Variants in FBH1 observed in about 807,000 individuals in gnomAD.
The protein encoded by FBH1 is F-box DNA helicase 1, also known as DNA 3'-5' helicase 1.
In FBH1, 43 loss-of-function variants were observed where a neutral mutation model predicts 115.5. The observed-to-expected ratio is 0.37, with a 90% CI of 0.29 to 0.48. FBH1 has a LOEUF of 0.48. Ranked by LOEUF, FBH1 falls within the 20% of genes least tolerant of loss-of-function variation. The pLI is 0.99. For missense variants in FBH1, 1,001 were observed against 1,337.3 expected (o/e 0.75, Z 3.92); for synonymous variants, 524 against 507.8 (o/e 1.03, Z -0.43).
intron 1 of FBH1, among the ~76,000 whole-genome samples, chr10:5,893,734 C>T (rs1416395814): frequency 2.6e-5 from 4 of 152,152 alleles, no homozygotes; most frequent in African/African-American, 9.7e-5. Context: ...GTTTTGGTAG[C>T]TGCCTTATGG....
intron 9 of FBH1, 113 bp from the exon 10 acceptor site, chr10:5,916,121 C>A: frequency 1.1e-6 from 1 of 900,948 alleles, no homozygotes; most frequent in Non-Finnish European, 1.7e-6. Context: ...TAACACTCGC[C>A]TGTGTGTGGC....
chr10:5,912,015 A>C (rs1831622169), intron 6 of FBH1, among the ~76,000 whole-genome samples: 1 of 152,098 alleles, frequency 6.6e-6, no homozygotes, highest in South Asian at 2.1e-4. Flanking sequence ...AGGGAACACA[A>C]GATTGTGAAG....
chr10:5,913,855 C>G lies in FBH1; in HGVS notation c.1304+16C>G, dbSNP rs143392776. On this transcript the variant is annotated intron_variant, in intron 7 of 20. Transcript: ENST00000362091. This position sits in a 1 kb window ranked among gnomAD's most constrained non-coding sequence, Gnocchi z 4.4. ...TCTGGCCAGGGTATGTGTATATGTGCGTCAGCGTGTGTTTTGTCTTCTGTC... is the reference window on the plus strand; with the variant it reads ...TCTGGCCAGGGTATGTGTATATGTGGGTCAGCGTGTGTTTTGTCTTCTGTC... The G allele has an allele frequency of 1.9e-6, 3 of 1,566,848 alleles. No individual in the cohort carries two copies. The South Asian group carries it at 3.5e-5, about 18-fold the overall frequency.
chr10:5,932,128 C>T lies in FBH1; in HGVS notation c.2830-4328C>T, dbSNP rs1245442215. ...TGCCACTGCACTCCAGCCTGGGTGA[C>T]AGAGTGAGACCCTGTCTCAAAAGAA... On this transcript the variant is annotated intron_variant, in intron 19 of 20. Coordinates refer to ENST00000362091, the MANE Select transcript of FBH1 (RefSeq NM_178150.3). This position sits in a 1 kb window ranked among gnomAD's most constrained non-coding sequence, Gnocchi z 5.9. 6.6e-6 allele frequency among the ~76,000 whole-genome samples: 1 copy of T among 152,174 alleles called. No homozygotes were observed. The highest frequency in any genetic ancestry group is 2.4e-5 in the African/African-American group (1 of 41,446).
In FBH1 at chr10:5,921,653, G is replaced by T. The variant is rs1832322723; in HGVS notation, c.2322+84G>T. ...CAATGGAAATGTTCACCTTCCTTGG[G>T]ATTATCATGCAAGAAAGCATTTGGG... On this transcript the variant is annotated intron_variant, in intron 15 of 20. Coordinates refer to ENST00000362091, the MANE Select transcript of FBH1 (RefSeq NM_178150.3). This position sits in a 1 kb window ranked among gnomAD's most constrained non-coding sequence, Gnocchi z 6.4. 6.5e-7 allele frequency: 1 copy of T among 1,543,970 alleles called. No homozygotes were observed. Among genetic ancestry groups the T allele is most frequent in the African/African-American group, 1.4e-5 (1 of 71,030 alleles).
chr10:5,917,789 G>A lies in FBH1; in HGVS notation c.1963+113G>A, dbSNP rs1832063028. ...GATTATTATTATTTGTGATAAAGAAGAGGATCTTCATACTTACCTTAGGAT... is the reference window on the plus strand; with the variant it reads ...GATTATTATTATTTGTGATAAAGAAAAGGATCTTCATACTTACCTTAGGAT... On this transcript the variant is annotated intron_variant, in intron 12 of 20. Coordinates refer to ENST00000362091, the MANE Select transcript of FBH1 (RefSeq NM_178150.3). The surrounding 1 kb of genome is among the most constrained non-coding windows in gnomAD (Gnocchi z 5.6). 3 of 872,338 alleles carry A rather than the reference G, an allele frequency of 3.4e-6. No homozygotes were observed. Among genetic ancestry groups the A allele is most frequent in the Non-Finnish European group, 5.4e-6 (3 of 552,742 alleles). The allele number at this position is 872,338 out of a possible 1,614,324, so 54.0% of individuals were successfully genotyped here.
chr10:5,907,256 T>C (rs149362418), intron 3 of FBH1, among the ~76,000 whole-genome samples: 3 of 152,262 alleles, frequency 2.0e-5, no homozygotes, highest in South Asian at 2.1e-4. Flanking sequence ...TGAGCCACCA[T>C]GTCTGGCCCA....
rs1564448990 is a variant in FBH1 at position 5,915,050 on chromosome 10, C to T, written c.1397-353C>T. ...GTCTCTCTCCAGAGACATGCCTTCC[C>T]CCTCCCTAACCCTACCCTCCTATCC... On this transcript the variant is annotated intron_variant, in intron 8 of 20. Transcript: ENST00000362091. This position sits in a 1 kb window ranked among gnomAD's most constrained non-coding sequence, Gnocchi z 5.2. Among the ~76,000 whole-genome samples the T allele has an allele frequency of 6.6e-6, 1 of 152,098 alleles. No homozygotes were observed. Among genetic ancestry groups the T allele is most frequent in the Non-Finnish European group, 1.5e-5 (1 of 68,016 alleles).
rs1192489199 is a variant in FBH1 at position 5,931,578 on chromosome 10, A to G, written c.2829+4037A>G. Among the ~76,000 whole-genome samples, 1 of 152,252 alleles carries G rather than the reference A, an allele frequency of 6.6e-6. No individual in the cohort carries two copies. Among genetic ancestry groups the G allele is most frequent in the Non-Finnish European group, 1.5e-5 (1 of 68,048 alleles). ...TTGATACTATTCTATGTATTTAAAA[A>G]TAATATTCAAAATAATGCCAGTATT... On this transcript the variant is annotated intron_variant, in intron 19 of 20. Coordinates refer to ENST00000362091, the MANE Select transcript of FBH1 (RefSeq NM_178150.3). The surrounding 1 kb of genome is among the most constrained non-coding windows in gnomAD (Gnocchi z 4.3).
Position 5,909,334 on chromosome 10 carries a change from C to T in FBH1, c.1020+40C>T. On this transcript the variant is annotated intron_variant, in intron 5 of 20. Coordinates refer to ENST00000362091, the MANE Select transcript of FBH1 (RefSeq NM_178150.3). The surrounding 1 kb of genome is among the most constrained non-coding windows in gnomAD (Gnocchi z 4.4). ...TGCGGGAGAAGGCGGCATGTTATTT[C>T]ACTGGAGGAAAGTGTACTGGTGATT... is the stretch of plus-strand genomic sequence containing the variant. 1 of 1,588,646 alleles carries T rather than the reference C, an allele frequency of 6.3e-7. No homozygotes were observed. Among genetic ancestry groups the T allele is most frequent in the Non-Finnish European group, 8.5e-7 (1 of 1,172,726 alleles).
rs756991692 is a variant in FBH1 at position 5,924,515 on chromosome 10, G to C, written c.2596+7G>C. ...GAAGATTTGGACTTTGCAGGTAAGG[G>C]AAGCAGTTGGTTTTTACCTTCCCCC... On this transcript the variant is annotated splice_region_variant and intron_variant, in intron 17 of 20. Transcript: ENST00000362091. The surrounding 1 kb of genome is among the most constrained non-coding windows in gnomAD (Gnocchi z 6.2). 6 of 1,613,450 alleles carry C rather than the reference G, an allele frequency of 3.7e-6. No individual in the cohort carries two copies. The highest frequency in any genetic ancestry group is 4.2e-6 in the Non-Finnish European group (5 of 1,179,706).
chr10:5,902,165 T>A (rs1362567592), intron 1 of FBH1, among the ~76,000 whole-genome samples: 1 of 152,104 alleles, frequency 6.6e-6, no homozygotes, highest in East Asian at 1.9e-4. Context: ...GAGTCGCTCC[T>A]GTCCTTTCAA....
In FBH1 at chr10:5,895,397, T is replaced by C. The variant is rs1393519875; in HGVS notation, c.1+5051T>C. 2.0e-5 allele frequency among the ~76,000 whole-genome samples: 3 copies of C among 152,212 alleles called. No homozygotes were observed. The highest frequency in any genetic ancestry group is 4.4e-5 in the Non-Finnish European group (3 of 68,038). On this transcript the variant is annotated intron_variant, in intron 1 of 20. Transcript: ENST00000362091. This position sits in a 1 kb window ranked among gnomAD's most constrained non-coding sequence, Gnocchi z 5.0. The stretch of plus-strand genomic sequence containing the variant: ...AATATTTACTTCCAGGAATTCTAGG[T>C]ACTTATTGTCTTCATCTTGTCCATT...
rs117923785 is a variant in FBH1, at chr10:5,925,226, C to G, written c.2597-141C>G. ...GTTGTCTGTTCCCGACAGTTGTTTC[C>G]TCTTTCCCCCTTTTCCTACAAAACT... On this transcript the variant is annotated intron_variant, in intron 17 of 20. Transcript: ENST00000362091. This position sits in a 1 kb window ranked among gnomAD's most constrained non-coding sequence, Gnocchi z 4.6. 3.0e-6 allele frequency: 3 copies of G among 998,936 alleles called. No homozygotes were observed. The highest frequency in any genetic ancestry group is 4.4e-6 in the Non-Finnish European group (3 of 687,948). The allele number at this position is 998,936 out of a possible 1,614,324, so 61.9% of individuals were successfully genotyped here.
chr10:5,907,043 A>T (rs1279724444), intron 3 of FBH1, among the ~76,000 whole-genome samples: 1 of 150,254 alleles, frequency 6.7e-6, no homozygotes, highest in South Asian at 2.1e-4. Flanking sequence ...ACTCACTGCA[A>T]CCTCTGCCTC....
rs893757943 is a variant in FBH1, at chr10:5,931,348, A to T, written c.2829+3807A>T. ...AGTGCTGAAAAATGATACTGTTTAC[A>T]CATGTTCTCTTCATTCTCCTGGGTT... On this transcript the variant is annotated intron_variant, in intron 19 of 20. Coordinates refer to ENST00000362091, the MANE Select transcript of FBH1 (RefSeq NM_178150.3). This position sits in a 1 kb window ranked among gnomAD's most constrained non-coding sequence, Gnocchi z 4.3. Among the ~76,000 whole-genome samples the T allele has an allele frequency of 6.6e-6, 1 of 152,198 alleles. No individual in the cohort carries two copies. Among genetic ancestry groups the T allele is most frequent in the Admixed American group, 6.5e-5 (1 of 15,272 alleles).
chr10:5,924,287 A>C lies in FBH1; in HGVS notation c.2399-24A>C. On this transcript the variant is annotated intron_variant, in intron 16 of 20. Coordinates refer to ENST00000362091, the MANE Select transcript of FBH1 (RefSeq NM_178150.3). This position sits in a 1 kb window ranked among gnomAD's most constrained non-coding sequence, Gnocchi z 6.2. ...CTGTTAGTGGAGCTTGTGTCACCTT[A>C]ATTTGTGTGTATATTCTTCTTAGAA... The C allele has an allele frequency of 6.2e-7, 1 of 1,612,062 alleles. No homozygotes were observed. The highest frequency in any genetic ancestry group is 8.5e-7 in the Non-Finnish European group (1 of 1,178,266).
Position 5,932,842 on chromosome 10 carries a change from C to G in FBH1, c.2830-3614C>G, listed in dbSNP as rs1309351902. Reference sequence around the variant, plus strand: ...AAGCCATCCTCCCACCTCAGCCTCCCGAGCAGCTGGGACTACAGGTGTGTG... The same window carrying G: ...AAGCCATCCTCCCACCTCAGCCTCCGGAGCAGCTGGGACTACAGGTGTGTG... On this transcript the variant is annotated intron_variant, in intron 19 of 20. Coordinates refer to ENST00000362091, the MANE Select transcript of FBH1 (RefSeq NM_178150.3). This position sits in a 1 kb window ranked among gnomAD's most constrained non-coding sequence, Gnocchi z 5.9. Among the ~76,000 whole-genome samples the G allele has an allele frequency of 6.6e-6, 1 of 152,088 alleles. No homozygotes were observed. Among genetic ancestry groups the G allele is most frequent in the African/African-American group, 2.4e-5 (1 of 41,408 alleles).
At position 5,914,047 on chromosome 10, in the gene FBH1, C is replaced by T; in HGVS notation, c.1305-131C>T. 1.1e-6 allele frequency: 1 copy of T among 892,542 alleles called. No homozygotes were observed. Among genetic ancestry groups the T allele is most frequent in the Non-Finnish European group, 1.8e-6 (1 of 570,146 alleles). 55.3% of individuals were successfully genotyped at this position (892,542 alleles called of 1,614,324 possible). A position where few individuals can be genotyped will look rare whatever the true frequency, so the allele number is the denominator to read the frequency against. ...AATCTAGCTTTAGAACATGTTTATT[C>T]TCGTAAGGGGAGGCCTTTTTTTTGG... On this transcript the variant is annotated intron_variant, in intron 7 of 20. Transcript: ENST00000362091. This position sits in a 1 kb window ranked among gnomAD's most constrained non-coding sequence, Gnocchi z 5.2.
Sources: allele counts gnomAD v4.1 joint callset (sites outside exome capture counted in the v4.1 genomes callset), GRCh38; gene constraint gnomAD v4.1.1; non-coding constraint Gnocchi (gnomAD v3.1); transcripts MANE v1.5; gene names NCBI Gene and HGNC (gene_info 2026-07-23, HGNC 2026-07-21).